PTPRS: variants seen among roughly 807,000 people sequenced by gnomAD.
The protein encoded by PTPRS is protein tyrosine phosphatase receptor type S, also known as receptor-type tyrosine-protein phosphatase S.
A neutral mutation model predicts 215.3 loss-of-function variants in PTPRS; 63 were observed. The ratio of observed to expected loss-of-function variants is 0.29; its 90% CI spans 0.24 to 0.36. The LOEUF (loss-of-function observed/expected upper bound fraction) is 0.36, where lower values mean the gene tolerates loss of function less well. Ranked by LOEUF, PTPRS falls within the 10% of genes least tolerant of loss-of-function variation. The pLI is 1.00. For synonymous variants in PTPRS, 1,404 were observed against 1,191.4 expected (o/e 1.18, Z -3.68); for missense variants, 2,258 against 2,825.8 (o/e 0.80, Z 4.56).
At chr19:5,325,215 T>C (rs1490287835) in intron 1 of PTPRS, among the ~76,000 whole-genome samples, 6 of 152,232 alleles carry the variant, frequency 3.9e-5, no homozygotes, top group African/African-American at 7.2e-5. Context: ...GAGAGGAGCA[T>C]GTGCCACTTC....
chr19:5,226,348 G>A (rs969524652), intron 16 of PTPRS, among the ~76,000 whole-genome samples: 1 of 152,214 alleles, frequency 6.6e-6, no homozygotes, highest in African/African-American at 2.4e-5. Flanking sequence ...TGGTGTGCTG[G>A]AGGTGCCCGG....
chr19:5,260,948 A>G, intron 6 of PTPRS, 126 bp from the exon 7 acceptor site: 1 of 1,167,020 alleles, frequency 8.6e-7, no homozygotes, highest in Middle Eastern at 2.1e-4. Context: ...GAGGGGATCG[A>G]GCCAGCCCTG....
rs530928053 is a variant in PTPRS at position 5,229,269 on chromosome 19, C to G, written c.2376+47G>C. The G allele has an allele frequency of 8.1e-6, 11 of 1,364,610 alleles. No individual in the cohort carries two copies. The African/African-American group carries it at 1.5e-4, about 19-fold the overall frequency. The allele number at this position is 1,364,610 out of a possible 1,614,324, so 84.5% of individuals were successfully genotyped here. ...GCAGGAGTCACAGCACAGCACGGCCCGCGGGAAGCGCACAGCAGTAGGTGG... is the reference window on the plus strand; with the variant it reads ...GCAGGAGTCACAGCACAGCACGGCCGGCGGGAAGCGCACAGCAGTAGGTGG... On this transcript the variant is annotated intron_variant, in intron 16 of 37. Coordinates refer to ENST00000262963, the MANE Select transcript of PTPRS (RefSeq NM_002850.4).
chr19:5,240,947 T>C (rs1410442875), intron 11 of PTPRS, among the ~76,000 whole-genome samples: 1 of 141,660 alleles, frequency 7.1e-6, no homozygotes, highest in Non-Finnish European at 1.5e-5. Flanking sequence ...TGGAGTGCAA[T>C]GGCACGATCT....
Position 5,293,624 on chromosome 19 carries a change from C to A in PTPRS, c.-94-7390G>T, listed in dbSNP as rs1036405423. The stretch of plus-strand genomic sequence containing the variant: ...CCGGACAGGGCGGCGGAGGGCTCCC[C>A]AAACACACCCAACTACAGGAGGTCG... On this transcript the variant is annotated intron_variant, in intron 1 of 37. Transcript: ENST00000262963. This position sits in a 1 kb window ranked among gnomAD's most constrained non-coding sequence, Gnocchi z 8.4. 6.6e-6 allele frequency among the ~76,000 whole-genome samples: 1 copy of A among 152,078 alleles called. No homozygotes were observed. Among genetic ancestry groups the A allele is most frequent in the East Asian group, 1.9e-4 (1 of 5,154 alleles).
chr19:5,274,150 G>A (rs765831481), intron 3 of PTPRS, 49 bp downstream of exon 3: 1 of 1,579,710 alleles, frequency 6.3e-7, no homozygotes, highest in South Asian at 1.1e-5. Context: ...CTGTGGCCCT[G>A]CCTTGGGGGA....
chr19:5,258,004 C>T lies in PTPRS; in HGVS notation c.706+13G>A, dbSNP rs371104647. The T allele has an allele frequency of 5.7e-5, 91 of 1,608,908 alleles. No individual in the cohort carries two copies. Among genetic ancestry groups the T allele is most frequent in the Non-Finnish European group, 6.8e-5 (80 of 1,176,518 alleles). ...CGGGTCCCTGCCTTTGACCTGGACGCGGCGTTCCCTACCTCGCACGTAGAG... is the reference window on the plus strand; with the variant it reads ...CGGGTCCCTGCCTTTGACCTGGACGTGGCGTTCCCTACCTCGCACGTAGAG... On this transcript the variant is annotated intron_variant, in intron 8 of 37. Coordinates refer to ENST00000262963, the MANE Select transcript of PTPRS (RefSeq NM_002850.4).
At chr19:5,258,739 T>C (rs1471191279) in intron 7 of PTPRS, among the ~76,000 whole-genome samples, 1 of 152,232 alleles carries the variant, frequency 6.6e-6, no homozygotes, top group African/African-American at 2.4e-5. Flanking sequence ...GATTAGGTTA[T>C]ACCCTGAGGC....
chr19:5,330,268 A>G (rs1171754888), intron 1 of PTPRS, among the ~76,000 whole-genome samples: 2 of 152,086 alleles, frequency 1.3e-5, no homozygotes, highest in Non-Finnish European at 2.9e-5. Context: ...AACCTGAGAA[A>G]GGGCTTGTCA....
intron 1 of PTPRS, among the ~76,000 whole-genome samples, chr19:5,313,666 G>A (rs1417598879): frequency 2.6e-5 from 4 of 152,142 alleles, no homozygotes; most frequent in East Asian, 3.9e-4. Flanking sequence ...TGGTGTGGGC[G>A]CTTCTTAGAT....
Position 5,214,689 on chromosome 19 carries a change from G to A in PTPRS, c.4366C>T (p.Arg1456Trp), listed in dbSNP as rs373940938. The change falls in exon 29 of 38, where the codon CGG becomes TGG. Residue 1456 changes from arginine to tryptophan, a missense_variant. Arg to Trp is a moderately radical substitution (Grantham distance 101, BLOSUM62 -3). This residue lies in a region of PTPRS where 927 missense variants were observed against 1,125.9 expected (regional missense o/e 0.82). Transcript: ENST00000262963. ...YINANYVDGY[R>W]CQNAYIATQG... The stretch of plus-strand genomic sequence containing the variant: ...GTGGCAATGTACGCGTTCTGACACC[G>A]GTAGCCGTCCACGTAGTTGGCATTG... 39 of 1,612,178 alleles carry A rather than the reference G, an allele frequency of 2.4e-5. No individual in the cohort carries two copies. The Admixed American group carries it at 2.5e-4, about 10-fold the overall frequency.
At chr19:5,242,713 T>C (rs932310238) in intron 11 of PTPRS, among the ~76,000 whole-genome samples, 8 of 152,078 alleles carry the variant, frequency 5.3e-5, no homozygotes, top group Non-Finnish European at 1.2e-4. Flanking sequence ...GTTTTTGTTT[T>C]AGAGACAAGG....
intron 11 of PTPRS, among the ~76,000 whole-genome samples, chr19:5,241,294 TA>T (rs1457252008): frequency 6.6e-6 from 1 of 152,128 alleles, no homozygotes; most frequent in Non-Finnish European, 1.5e-5. Context: ...CATTTTATTT[TA>T]GTTTTTGAAA....
chr19:5,310,807 G>A (rs1310261254), intron 1 of PTPRS, among the ~76,000 whole-genome samples: 1 of 152,152 alleles, frequency 6.6e-6, no homozygotes, highest in Non-Finnish European at 1.5e-5. Context: ...CTCAGCTCAA[G>A]TGATCCTCCC....
chr19:5,307,353 A>T (rs75192802), intron 1 of PTPRS, among the ~76,000 whole-genome samples: 3 of 152,162 alleles, frequency 2.0e-5, no homozygotes, highest in African/African-American at 7.2e-5. Flanking sequence ...ATAAATAAAA[A>T]TAACAGTACA....
intron 1 of PTPRS, among the ~76,000 whole-genome samples, chr19:5,331,561 C>A (rs568509928): frequency 6.6e-6 from 1 of 152,114 alleles, no homozygotes; most frequent in Non-Finnish European, 1.5e-5. Context: ...ACCAGCAGCA[C>A]CCCCCTGGAC....
intron 1 of PTPRS, among the ~76,000 whole-genome samples, chr19:5,330,852 G>T (rs896167281): frequency 1.3e-5 from 2 of 152,154 alleles, no homozygotes; most frequent in East Asian, 3.9e-4. Flanking sequence ...TCTGCACCCT[G>T]CTGATATCTG....
At chr19:5,303,737 G>A (rs1427764386) in intron 1 of PTPRS, among the ~76,000 whole-genome samples, 1 of 152,008 alleles carries the variant, frequency 6.6e-6, no homozygotes, top group African/African-American at 2.4e-5. Flanking sequence ...ATCACTTGAG[G>A]TCAGTAGTTC....
chr19:5,320,863 G>A (rs976516788), intron 1 of PTPRS, among the ~76,000 whole-genome samples: 9 of 152,176 alleles, frequency 5.9e-5, no homozygotes, highest in Admixed American at 2.0e-4. Flanking sequence ...TTCCAGATGA[G>A]GAAACTGAGG....
Sources: allele counts gnomAD v4.1 joint callset (sites outside exome capture counted in the v4.1 genomes callset), GRCh38; gene constraint gnomAD v4.1.1; regional missense constraint gnomAD v4.1.1; non-coding constraint Gnocchi (gnomAD v3.1); transcripts MANE v1.5; gene names NCBI Gene and HGNC (gene_info 2026-07-23, HGNC 2026-07-21).